The following HS3ST4 variants were observed in gnomAD, a reference collection of about 807,000 sequenced individuals.
HS3ST4 encodes heparan sulfate-glucosamine 3-sulfotransferase 4.
In HS3ST4, 17 loss-of-function variants were observed where a neutral mutation model predicts 29.2. That is an observed-to-expected ratio of 0.58 (90% CI 0.40 to 0.87). The LOEUF (loss-of-function observed/expected upper bound fraction) is 0.87. Ranked by LOEUF, HS3ST4 falls within the 40% of genes least tolerant of loss-of-function variation. HS3ST4 has a pLI of 0.00. For missense variants in HS3ST4, 627 were observed against 634.5 expected (o/e 0.99, Z 0.13); for synonymous variants, 314 against 285.7 (o/e 1.10, Z -1.00).
chr16:26,001,543 T>C (rs1205534835), intron 1 of HS3ST4, among the ~76,000 whole-genome samples: 1 of 152,180 alleles, frequency 6.6e-6, no homozygotes, highest in African/African-American at 2.4e-5. Context: ...AATTGATGTT[T>C]TGATGTTTTT....
intron 1 of HS3ST4, among the ~76,000 whole-genome samples, chr16:25,967,010 G>A (rs1328085436): frequency 6.6e-6 from 1 of 152,132 alleles, no homozygotes; most frequent in Non-Finnish European, 1.5e-5. Context: ...AATTTCTTGG[G>A]CCCCAGCCTG....
chr16:25,740,785 A>G (rs1262762574), intron 1 of HS3ST4, among the ~76,000 whole-genome samples: 1 of 152,128 alleles, frequency 6.6e-6, no homozygotes, highest in Non-Finnish European at 1.5e-5. Context: ...CCAGGGTCAC[A>G]CAGTGCCAGA....
At chr16:26,123,852 C>T (rs557934989) in intron 1 of HS3ST4, among the ~76,000 whole-genome samples, 2 of 152,204 alleles carry the variant, frequency 1.3e-5, no homozygotes, top group East Asian at 3.9e-4. Context: ...TATTTTGTTC[C>T]TTTTTATGTC....
At chr16:25,703,767 CCCT>C (rs138795699) in intron 1 of HS3ST4, among the ~76,000 whole-genome samples, 2,356 of 152,252 alleles carry the variant, frequency 0.015, 26 homozygotes, top group Middle Eastern at 0.041. Context: ...ATTCTCTTTT[CCCT>C]CCTCCTGGAA....
At chr16:26,131,696 G>A (rs1229977499) in intron 1 of HS3ST4, among the ~76,000 whole-genome samples, 1 of 152,190 alleles carries the variant, frequency 6.6e-6, no homozygotes, top group African/African-American at 2.4e-5. Flanking sequence ...GGAAGAGGGA[G>A]ACCAGCATGG....
chr16:25,879,788 GA>G (rs1567263191), intron 1 of HS3ST4, among the ~76,000 whole-genome samples: 1 of 152,148 alleles, frequency 6.6e-6, no homozygotes. Flanking sequence ...ATTTATAAAA[GA>G]AAGAGGTTTA....
chr16:25,850,354 C>A (rs549455044), intron 1 of HS3ST4, among the ~76,000 whole-genome samples: 1 of 152,212 alleles, frequency 6.6e-6, no homozygotes, highest in African/African-American at 2.4e-5. Context: ...TGGGAAAAAA[C>A]CCCACATCCA....
At chr16:26,059,173 C>T (rs1898445559) in intron 1 of HS3ST4, among the ~76,000 whole-genome samples, 1 of 152,026 alleles carries the variant, frequency 6.6e-6, no homozygotes, top group Non-Finnish European at 1.5e-5. Context: ...AGAGTGGAGG[C>T]GAGGGAGAGG....
chr16:25,836,941 C>G (rs905786548), intron 1 of HS3ST4, among the ~76,000 whole-genome samples: 1 of 152,164 alleles, frequency 6.6e-6, no homozygotes, highest in Admixed American at 6.5e-5. Flanking sequence ...CACTGGCCAT[C>G]GTAATGAGAA....
chr16:26,012,840 G>C (rs750655617), intron 1 of HS3ST4, among the ~76,000 whole-genome samples: 1 of 152,102 alleles, frequency 6.6e-6, no homozygotes, highest in Non-Finnish European at 1.5e-5. Context: ...GTCAGAAAAA[G>C]GGGACTGAAC....
At position 25,850,278 on chromosome 16, in the gene HS3ST4, G is replaced by A. The variant is rs577249777; in HGVS notation, c.734+157127G>A. Among the ~76,000 whole-genome samples the A allele has an allele frequency of 5.5e-4, 84 of 152,228 alleles. 1 individual carries two copies. The South Asian group carries it at 0.015, about 27-fold the overall frequency. ...GTTGGGATTACAGGCGTGAGCCACT[G>A]TGCCCGGCCCCTATTTTTTTAAACA... On this transcript the variant is annotated intron_variant, in intron 1 of 1. Coordinates refer to ENST00000331351, the MANE Select transcript of HS3ST4 (RefSeq NM_006040.3).
intron 1 of HS3ST4, among the ~76,000 whole-genome samples, chr16:25,954,593 T>G (rs529099142): frequency 6.6e-6 from 1 of 152,344 alleles, no homozygotes; most frequent in Non-Finnish European, 1.5e-5. Context: ...TATGTTATAG[T>G]GAAAATTTAG....
At chr16:25,698,122 G>T (rs1475347028) in intron 1 of HS3ST4, among the ~76,000 whole-genome samples, 1 of 151,904 alleles carries the variant, frequency 6.6e-6, no homozygotes, top group Non-Finnish European at 1.5e-5. Context: ...TAAAGACAGG[G>T]GTCTCACTTT....
intron 1 of HS3ST4, among the ~76,000 whole-genome samples, chr16:25,814,547 A>C (rs112018041): frequency 6.6e-6 from 1 of 152,022 alleles, no homozygotes; most frequent in Admixed American, 6.5e-5. Flanking sequence ...GAGTTTCACC[A>C]TGTTGGTCAG....
At chr16:26,069,777 A>G (rs917375578) in intron 1 of HS3ST4, among the ~76,000 whole-genome samples, 11 of 137,856 alleles carry the variant, frequency 8.0e-5, no homozygotes, top group African/African-American at 1.7e-4. Context: ...TCATTATTCA[A>G]TTCCCACCTA....
chr16:26,111,934 C>T (rs1481737116), intron 1 of HS3ST4, among the ~76,000 whole-genome samples: 1 of 151,030 alleles, frequency 6.6e-6, no homozygotes, highest in African/African-American at 2.4e-5. Context: ...GGAGAATCTC[C>T]TGAACCCGGG....
chr16:25,727,049 A>G (rs1189251115), intron 1 of HS3ST4, among the ~76,000 whole-genome samples: 2 of 152,172 alleles, frequency 1.3e-5, no homozygotes, highest in Admixed American at 1.3e-4. Context: ...AGGTCTACTT[A>G]ACATTTCTTA....
Position 25,999,649 on chromosome 16 carries a change from G to A in HS3ST4, c.735-135963G>A, listed in dbSNP as rs545821322. ...TGTAATTTAAAATCCATAATATTTA[G>A]AACTATGAGTTTTCCTCTGAGGACT... On this transcript the variant is annotated intron_variant, in intron 1 of 1. Transcript: ENST00000331351. 4.7e-5 allele frequency among the ~76,000 whole-genome samples: 7 copies of A among 148,386 alleles called. No homozygotes were observed. The East Asian group carries it at 1.4e-3, about 29-fold the overall frequency.
chr16:25,742,606 G>A (rs2141598221), intron 1 of HS3ST4, among the ~76,000 whole-genome samples: 1 of 152,328 alleles, frequency 6.6e-6, no homozygotes, highest in South Asian at 2.1e-4. Context: ...TTCTGGGCAA[G>A]TGAAAGCAAC....
Sources: gnomAD v4.1 joint callset for allele counts (sites outside exome capture counted in the v4.1 genomes callset) on GRCh38, gnomAD v4.1.1 for gene constraint, MANE v1.5 for transcripts, NCBI Gene and HGNC (gene_info 2026-07-23, HGNC 2026-07-21) for gene names.